TACC2: variants seen among roughly 807,000 people sequenced by gnomAD.
TACC2 encodes the protein transforming acidic coiled-coil-containing protein 2.
Under a neutral mutation model 227.3 loss-of-function variants are expected in TACC2, and 137 were observed. The ratio of observed to expected loss-of-function variants is 0.60; its 90% CI spans 0.52 to 0.69. TACC2 has a LOEUF of 0.69. Among genes scored for constraint, TACC2 ranks in the 30% least tolerant of loss-of-function variants. The pLI is 0.00. For missense variants in TACC2, 3,470 were observed against 3,694.4 expected, an observed-to-expected ratio of 0.94 and a Z score of 1.57; for synonymous variants, 1,523 against 1,487.5, an observed-to-expected ratio of 1.02 and a Z score of -0.55.
At chr10:122,044,495 T>C (rs918232060) in intron 2 of TACC2, among the ~76,000 whole-genome samples, 3 of 152,158 alleles carry the variant, frequency 2.0e-5, no homozygotes, top group African/African-American at 7.2e-5. Context: ...GGGATGACCT[T>C]TGGTCTGCTT....
intron 13 of TACC2, 120 bp downstream of exon 13, chr10:122,226,601 C>A: frequency 1.5e-5 from 9 of 598,114 alleles, no homozygotes; most frequent in Non-Finnish European, 1.9e-5. Context: ...TGACATGCCA[C>A]ATATTTTTTT....
At chr10:122,244,896 T>A (rs2096075876) in intron 19 of TACC2, among the ~76,000 whole-genome samples, 1 of 152,256 alleles carries the variant, frequency 6.6e-6, no homozygotes. Flanking sequence ...TATGTTTTGT[T>A]AAGCTCACAT....
At position 122,061,125 on chromosome 10, in the gene TACC2, C is replaced by T. The variant is rs2076767534; in HGVS notation, c.146+10575C>T. ...GAAATCGAGACCATCCTGGCTAACA[C>T]GGTGAAACCCCATCTCTACTAAAAA... On this transcript the variant is annotated intron_variant, in intron 3 of 22. Transcript: ENST00000369005. 2.0e-5 allele frequency among the ~76,000 whole-genome samples: 3 copies of T among 149,656 alleles called. No individual in the cohort carries two copies. The South Asian group carries it at 6.4e-4, about 32-fold the overall frequency.
chr10:122,064,280 A>C (rs1565193542), intron 3 of TACC2, among the ~76,000 whole-genome samples: 1 of 152,186 alleles, frequency 6.6e-6, no homozygotes, highest in Non-Finnish European at 1.5e-5. Context: ...TCGTGTAGCT[A>C]TTACAAAAGA....
intron 2 of TACC2, among the ~76,000 whole-genome samples, chr10:122,046,561 G>GT (rs974139807): frequency 6.6e-6 from 1 of 152,008 alleles, no homozygotes; most frequent in African/African-American, 2.4e-5. Flanking sequence ...CCTGCCTTTT[G>GT]TTTTTTTCTT....
intron 8 of TACC2, among the ~76,000 whole-genome samples, chr10:122,199,218 G>A (rs984334572): frequency 6.6e-6 from 1 of 152,242 alleles, no homozygotes; most frequent in East Asian, 1.9e-4. Context: ...CCGAGCCATT[G>A]AGCCAAGGGT....
At chr10:122,099,776 C>A (rs185855889) in intron 5 of TACC2, among the ~76,000 whole-genome samples, 3 of 152,170 alleles carry the variant, frequency 2.0e-5, no homozygotes, top group African/African-American at 7.2e-5. Context: ...GGAGATAAAA[C>A]GACTTAATGA....
chr10:122,145,540 A>G (rs58379276), intron 7 of TACC2, among the ~76,000 whole-genome samples: 1 of 152,218 alleles, frequency 6.6e-6, no homozygotes, highest in African/African-American at 2.4e-5. Flanking sequence ...ATGAGCATGA[A>G]GAGATCTTTG....
At position 122,086,311 on chromosome 10, in the gene TACC2, G is replaced by A. The variant is rs140508731; in HGVS notation, c.3811G>A (p.Val1271Ile). 6.1e-4 allele frequency: 991 copies of A among 1,613,922 alleles called. 9 individuals are homozygous for A. In the African/African-American group the frequency reaches 0.011, roughly 18 times the overall value. ...AGCTCCTGGCGAAAGCCCCTGTCCT[G>A]TAGGGGAGCCCCCACTTGCCTTGGA... ...PRAPGESPCPVGEPPLALENA... is the reference protein window; with the variant it reads ...PRAPGESPCPIGEPPLALENA... The change falls in exon 4 of 23, where the codon GTA becomes ATA. Residue 1271 changes from valine to isoleucine, a missense_variant. This residue lies in a region of TACC2 where 1,924 missense variants were observed against 1,978.3 expected (regional missense o/e 0.97). Coordinates refer to ENST00000369005, the MANE Select transcript of TACC2 (RefSeq NM_206862.4).
At chr10:122,191,180 C>T (rs943240870) in intron 7 of TACC2, among the ~76,000 whole-genome samples, 5 of 151,508 alleles carry the variant, frequency 3.3e-5, no homozygotes, top group South Asian at 2.1e-4. Flanking sequence ...TATAGTTGTG[C>T]GATCATAGCT....
chr10:122,061,505 C>T (rs114456880), intron 3 of TACC2, among the ~76,000 whole-genome samples: 1,985 of 152,174 alleles, frequency 0.013, 38 homozygotes, highest in African/African-American at 0.045. Flanking sequence ...ATCACAGACC[C>T]GGGCTTGTGC....
chr10:122,194,326 A>G lies in TACC2; in HGVS notation c.5835-714A>G, dbSNP rs2094499285. Among the ~76,000 whole-genome samples the G allele has an allele frequency of 1.3e-5, 2 of 152,172 alleles. No individual in the cohort carries two copies. The highest frequency in any genetic ancestry group is 4.2e-4 in the South Asian group (2 of 4,818). On this transcript the variant is annotated intron_variant, in intron 7 of 22. Transcript: ENST00000369005. This position sits in a 1 kb window ranked among gnomAD's most constrained non-coding sequence, Gnocchi z 4.4. Reference sequence around the variant, plus strand: ...ATTTTTGGTCCAGTTCTCTGGGTGAAGAGTCTTCCTTGAGAACAGACTTTC... The same window carrying G: ...ATTTTTGGTCCAGTTCTCTGGGTGAGGAGTCTTCCTTGAGAACAGACTTTC...
chr10:122,221,451 G>A (rs2095521844), intron 11 of TACC2, among the ~76,000 whole-genome samples: 1 of 152,112 alleles, frequency 6.6e-6, no homozygotes, highest in African/African-American at 2.4e-5. Flanking sequence ...CAGTTGCCCT[G>A]TGTCCTTTAA....
At chr10:122,215,014 G>A (rs546125195) in intron 9 of TACC2, among the ~76,000 whole-genome samples, 1 of 152,258 alleles carries the variant, frequency 6.6e-6, no homozygotes, top group African/African-American at 2.4e-5. Context: ...TGAGCCTAGA[G>A]CCCCTCCCCT....
At position 122,083,374 on chromosome 10, in the gene TACC2, C is replaced by G. The variant is rs1431175414; in HGVS notation, c.874C>G (p.Gln292Glu). ...APRASDRERG[Q>E]GEAPPQYLTD... ...AAGAGCCTCAGACAGAGAAAGAGGCCAAGGGGAGGCGCCGCCTCAGTATTT... is the reference window on the plus strand; with the variant it reads ...AAGAGCCTCAGACAGAGAAAGAGGCGAAGGGGAGGCGCCGCCTCAGTATTT... Residue 292 changes from glutamine (Q) to glutamate (E), a missense_variant, in exon 4 of 23, where the codon CAA (glutamine) becomes GAA (glutamate). By Grantham distance (29) the Gln-to-Glu change is conservative (BLOSUM62 2). Around this residue, in one of 10 missense-constraint regions of TACC2, gnomAD observed 405 missense variants for 389.6 expected, o/e 1.04. Coordinates refer to ENST00000369005, the MANE Select transcript of TACC2 (RefSeq NM_206862.4). The G allele has an allele frequency of 1.1e-5, 17 of 1,613,918 alleles. No homozygotes were observed. The highest frequency in any genetic ancestry group is 1.4e-5 in the Non-Finnish European group (17 of 1,180,000).
intron 8 of TACC2, among the ~76,000 whole-genome samples, chr10:122,197,217 T>C (rs1353300574): frequency 6.7e-6 from 1 of 148,694 alleles, no homozygotes; most frequent in East Asian, 2.0e-4. Flanking sequence ...GCCGAGACCA[T>C]GCCACTGCAC....
chr10:122,217,018 C>T, intron 11 of TACC2, 190 bp downstream of exon 11: 1 of 1,235,228 alleles, frequency 8.1e-7, no homozygotes, highest in Admixed American at 2.4e-5. Context: ...TTGAAAGCAG[C>T]TGTCCCTTGA....
intron 1 of TACC2, among the ~76,000 whole-genome samples, chr10:121,989,756 T>TGG (rs1952954945): frequency 1.8e-5 from 2 of 110,624 alleles, no homozygotes; most frequent in East Asian, 2.5e-4. Flanking sequence ...TTAATTTTAT[T>TGG]TTTTTTTTTT....
chr10:122,151,617 A>G (rs1592652541), intron 7 of TACC2, among the ~76,000 whole-genome samples: 1 of 152,162 alleles, frequency 6.6e-6, no homozygotes, highest in East Asian at 1.9e-4. Context: ...CTTTTCAAGC[A>G]GGGGAGAGTC....
Sources: allele counts gnomAD v4.1 joint callset (sites outside exome capture counted in the v4.1 genomes callset), GRCh38; gene constraint gnomAD v4.1.1; regional missense constraint gnomAD v4.1.1; non-coding constraint Gnocchi (gnomAD v3.1); transcripts MANE v1.5; gene names NCBI Gene and HGNC (gene_info 2026-07-23, HGNC 2026-07-21).